The following RAB27B variants were observed in gnomAD, a reference collection of about 807,000 sequenced individuals.
RAB27B encodes the protein ras-related protein Rab-27B.
Under a neutral mutation model 24.6 loss-of-function variants are expected in RAB27B, and 15 were observed. The observed-to-expected ratio is 0.61, with a 90% CI of 0.41 to 0.94. RAB27B has a LOEUF of 0.94. Ranked by LOEUF, RAB27B falls within the 40% of genes least tolerant of loss-of-function variation. The pLI, the probability that RAB27B is intolerant of heterozygous loss-of-function variation, is 0.00. For missense variants in RAB27B, 261 were observed against 266.8 expected, an observed-to-expected ratio of 0.98 and a Z score of 0.15; for synonymous variants, 105 against 92.5, an observed-to-expected ratio of 1.14 and a Z score of -0.78.
At chr18:54,832,395 T>C (rs12457718) in intron 1 of RAB27B, among the ~76,000 whole-genome samples, 34,846 of 152,016 alleles carry the variant, frequency 0.23, 4,233 homozygotes, top group East Asian at 0.39. Flanking sequence ...AGGGAAGAAA[T>C]GGTTTTAATG....
At chr18:54,788,693 A>C (rs1265017443) in intron 2 of RAB27B, among the ~76,000 whole-genome samples, 6 of 152,238 alleles carry the variant, frequency 3.9e-5, no homozygotes, top group African/African-American at 1.2e-4. Context: ...GCTTTAAAGT[A>C]ATATTAGAAA....
chr18:54,859,659 C>A (rs1911933990), intron 1 of RAB27B, among the ~76,000 whole-genome samples: 1 of 152,202 alleles, frequency 6.6e-6, no homozygotes, highest in Admixed American at 6.5e-5. Flanking sequence ...GTGGTCATAG[C>A]TGTAAATGTC....
At chr18:54,796,370 A>G (rs1755978283) in intron 2 of RAB27B, among the ~76,000 whole-genome samples, 1 of 152,220 alleles carries the variant, frequency 6.6e-6, no homozygotes, top group African/African-American at 2.4e-5. Context: ...AGGGCAGAGG[A>G]CCAGTATGAC....
intron 2 of RAB27B, among the ~76,000 whole-genome samples, chr18:54,799,990 A>T (rs951740816): frequency 5.9e-5 from 9 of 152,204 alleles, no homozygotes; most frequent in Non-Finnish European, 1.3e-4. Context: ...CCCACCACAC[A>T]GAAACAATCA....
At chr18:54,804,830 A>G (rs555506646) in intron 2 of RAB27B, among the ~76,000 whole-genome samples, 4 of 151,522 alleles carry the variant, frequency 2.6e-5, no homozygotes, top group South Asian at 4.2e-4. Context: ...TATATCTTTG[A>G]AAAGGTTTCT....
intron 2 of RAB27B, among the ~76,000 whole-genome samples, chr18:54,765,753 A>G (rs1415159365): frequency 6.6e-6 from 1 of 152,190 alleles, no homozygotes; most frequent in African/African-American, 2.4e-5. Context: ...CCACACAATT[A>G]GCTGCCTACA....
At chr18:54,813,837 T>G (rs1306747913) in intron 2 of RAB27B, among the ~76,000 whole-genome samples, 1 of 152,214 alleles carries the variant, frequency 6.6e-6, no homozygotes, top group Admixed American at 6.5e-5. Context: ...GGTTATCATT[T>G]TTTTTAATGG....
chr18:54,858,523 ACAG>A (rs745577312), intron 1 of RAB27B, among the ~76,000 whole-genome samples: 3,965 of 151,880 alleles, frequency 0.026, 85 homozygotes, highest in Non-Finnish European at 0.039. Flanking sequence ...AGCTGGGACT[ACAG>A]GTGCCTGCCA....
intron 1 of RAB27B, among the ~76,000 whole-genome samples, chr18:54,863,320 T>C (rs752961125): frequency 6.6e-6 from 1 of 152,224 alleles, no homozygotes; most frequent in South Asian, 2.1e-4. Context: ...ATGTATTTTA[T>C]GGCCTATAGA....
chr18:54,806,444 AAT>A, intron 2 of RAB27B, among the ~76,000 whole-genome samples: 2 of 148,138 alleles, frequency 1.4e-5, no homozygotes, highest in Non-Finnish European at 3.0e-5. Flanking sequence ...ACATATATAT[AAT>A]ATATGTTATA....
At chr18:54,802,862 A>G (rs961051095) in intron 2 of RAB27B, among the ~76,000 whole-genome samples, 1 of 152,208 alleles carries the variant, frequency 6.6e-6, no homozygotes, top group Non-Finnish European at 1.5e-5. Flanking sequence ...TCAATGGGAC[A>G]TGTGCTGCTT....
chr18:54,728,319 G>A (rs7236144), intron 2 of RAB27B, among the ~76,000 whole-genome samples: 6,015 of 152,168 alleles, frequency 0.04, 399 homozygotes, highest in African/African-American at 0.13. Flanking sequence ...TGGGGGTGGC[G>A]TTGGGGATGG....
At chr18:54,734,651 A>C (rs1909837086) in intron 2 of RAB27B, among the ~76,000 whole-genome samples, 1 of 152,202 alleles carries the variant, frequency 6.6e-6, no homozygotes, top group Admixed American at 6.6e-5. Flanking sequence ...TGATATATTT[A>C]TATGAATATT....
chr18:54,843,847 T>C (rs894533633), intron 1 of RAB27B, among the ~76,000 whole-genome samples: 18 of 152,340 alleles, frequency 1.2e-4, no homozygotes, highest in African/African-American at 4.3e-4. Flanking sequence ...GATCAAAACA[T>C]TTAACATTAA....
chr18:54,888,215 C>T, intron 5 of RAB27B, 97 bp downstream of exon 5: 1 of 1,357,408 alleles, frequency 7.4e-7, no homozygotes, highest in Non-Finnish European at 1.0e-6. Context: ...ATCCCCTTAA[C>T]CAAGAACAGC....
chr18:54,893,280 C>A lies in RAB27B; in HGVS notation c.*3867C>A, dbSNP rs1023875263. 2.0e-5 allele frequency: 3 copies of A among 151,918 alleles called. No homozygotes were observed. Among genetic ancestry groups the A allele is most frequent in the African/African-American group, 7.2e-5 (3 of 41,386 alleles). 9.4% of individuals were successfully genotyped at this position (151,918 alleles called of 1,614,324 possible). A position where few individuals can be genotyped will look rare whatever the true frequency, so the allele number is the denominator to read the frequency against. On this transcript the variant is annotated 3_prime_UTR_variant, in exon 6 of 6. Transcript: ENST00000262094. ...TTTGGATGTATAATCTAAAACTCAACAATAAAGAAATAATATTCCAAGTCT... is the reference window on the plus strand; with the variant it reads ...TTTGGATGTATAATCTAAAACTCAAAAATAAAGAAATAATATTCCAAGTCT...
chr18:54,868,226 G>T (rs1912318429), intron 1 of RAB27B, among the ~76,000 whole-genome samples: 1 of 152,062 alleles, frequency 6.6e-6, no homozygotes, highest in Non-Finnish European at 1.5e-5. Context: ...TACTTCTAAG[G>T]TCCAGTCAGG....
chr18:54,801,008 G>GTTTTTTTTTTT (rs11363761), intron 2 of RAB27B, among the ~76,000 whole-genome samples: 17 of 93,094 alleles, frequency 1.8e-4, no homozygotes, highest in African/African-American at 6.7e-4. Flanking sequence ...TTGTTCCTGT[G>GTTTTTTTTTTT]TTTTTTTTTT....
intron 5 of RAB27B, 81 bp downstream of exon 5, chr18:54,888,199 G>T: frequency 6.7e-7 from 1 of 1,492,714 alleles, no homozygotes; most frequent in Admixed American, 1.9e-5. Flanking sequence ...ATTGATATTA[G>T]AAGAAATCCC....
Sources: allele counts gnomAD v4.1 joint callset (sites outside exome capture counted in the v4.1 genomes callset), GRCh38; gene constraint gnomAD v4.1.1; transcripts MANE v1.5; gene names NCBI Gene and HGNC (gene_info 2026-07-23, HGNC 2026-07-21).